UQCC6: variants seen among roughly 807,000 people sequenced by gnomAD.
The protein encoded by UQCC6 is ubiquinol-cytochrome c reductase complex assembly factor 6, also known as protein BRAWNIN.
chr12:103,963,537 T>C, the UQCC6 span, among the ~76,000 whole-genome samples: 10 of 152,250 alleles, frequency 6.6e-5, no homozygotes, highest in Non-Finnish European at 1.3e-4. Flanking sequence ...GTTAGCATTA[T>C]ATTGAATCTT....
the UQCC6 span, chr12:103,954,587 C>T: frequency 4.0e-6 from 1 of 248,058 alleles, no homozygotes; most frequent in Non-Finnish European, 7.8e-6. Flanking sequence ...CCCCATGACC[C>T]AAACACCTCC....
the UQCC6 span, among the ~76,000 whole-genome samples, chr12:103,964,365 G>A: frequency 1.6e-3 from 236 of 152,010 alleles, 1 homozygote; most frequent in African/African-American, 5.5e-3. Context: ...TGATCCACCC[G>A]CCTCGGCCTC....
At chr12:103,958,536 A>C in the UQCC6 span, among the ~76,000 whole-genome samples, 2 of 152,168 alleles carry the variant, frequency 1.3e-5, no homozygotes, top group African/African-American at 4.8e-5. Flanking sequence ...CTGGAATGTT[A>C]CATAAATAGA....
chr12:103,956,233 G>A, the UQCC6 span: 1 of 168,736 alleles, frequency 5.9e-6, no homozygotes, highest in Admixed American at 5.9e-5. Context: ...GGGGGGTGGT[G>A]GGGGGAGGAG....
At chr12:103,964,128 A>G in the UQCC6 span, among the ~76,000 whole-genome samples, 12 of 142,096 alleles carry the variant, frequency 8.4e-5, no homozygotes, top group South Asian at 1.5e-3. Flanking sequence ...CTCCTCCCAT[A>G]AGCTTTTTTT....
the UQCC6 span, chr12:103,950,409 G>A: frequency 9.9e-5 from 15 of 152,202 alleles, no homozygotes; most frequent in African/African-American, 3.1e-4. Flanking sequence ...GAGTTGTGGT[G>A]GGCCCAGCAG....
chr12:103,951,552 G>A, the UQCC6 span: 2 of 1,547,090 alleles, frequency 1.3e-6, no homozygotes, highest in African/African-American at 1.4e-5. Context: ...TGAGAAACTT[G>A]AGGTTTGTGT....
chr12:103,958,030 AT>A, the UQCC6 span, among the ~76,000 whole-genome samples: 175 of 136,190 alleles, frequency 1.3e-3, 3 homozygotes, highest in East Asian at 0.011. Flanking sequence ...ATATTTATAT[AT>A]TTTTAAATAT....
At chr12:103,961,721 TAA>T in the UQCC6 span, among the ~76,000 whole-genome samples, 2 of 151,942 alleles carry the variant, frequency 1.3e-5, 1 homozygote, top group African/African-American at 4.8e-5. Flanking sequence ...TACGCCCAGC[TAA>T]GTTTTCTTTG....
chr12:103,952,094 T>C, the UQCC6 span, among the ~76,000 whole-genome samples: 1 of 152,214 alleles, frequency 6.6e-6, no homozygotes, highest in African/African-American at 2.4e-5. Flanking sequence ...CAGGAAGGTA[T>C]TCACAGAGTT....
At chr12:103,956,981 G>A in the UQCC6 span, 19 of 512,816 alleles carry the variant, frequency 3.7e-5, no homozygotes, top group Admixed American at 3.3e-5. Context: ...TATCAGTGAG[G>A]GGCGCCGGCC....
chr12:103,955,047 G>A, the UQCC6 span: 1 of 675,676 alleles, frequency 1.5e-6, no homozygotes, highest in South Asian at 1.6e-5. Flanking sequence ...AGGCACAGTG[G>A]CTCATGCCTG....
At chr12:103,963,365 T>C in the UQCC6 span, among the ~76,000 whole-genome samples, 1 of 152,306 alleles carries the variant, frequency 6.6e-6, no homozygotes, top group Non-Finnish European at 1.5e-5. Context: ...CATGAGCCAC[T>C]GCGCCCGGCT....
chr12:103,950,381 G>A, the UQCC6 span: 1 of 152,270 alleles, frequency 6.6e-6, no homozygotes, highest in Non-Finnish European at 1.5e-5. Context: ...CAAAGACAGT[G>A]TCCCTAAACC....
the UQCC6 span, among the ~76,000 whole-genome samples, chr12:103,959,434 C>T: frequency 1.3e-5 from 2 of 152,070 alleles, no homozygotes; most frequent in African/African-American, 4.8e-5. Flanking sequence ...ATTGCCAGGC[C>T]GGGTGCAGTG....
chr12:103,955,513 C>T, the UQCC6 span, among the ~76,000 whole-genome samples: 1 of 152,040 alleles, frequency 6.6e-6, no homozygotes, highest in African/African-American at 2.4e-5. Flanking sequence ...GGTACACAGT[C>T]ATCTCAGCTA....
the UQCC6 span, chr12:103,955,892 ATTAAT>A: frequency 2.3e-6 from 1 of 434,578 alleles, no homozygotes; most frequent in African/African-American, 2.0e-5. Context: ...GCTTATTAAA[ATTAAT>A]TTAAATTTCT....
the UQCC6 span, among the ~76,000 whole-genome samples, chr12:103,958,199 G>A: frequency 1.4e-5 from 2 of 147,090 alleles, no homozygotes; most frequent in Admixed American, 6.8e-5. Context: ...CTGGGCAACA[G>A]AGCAAGACTC....
the UQCC6 span, among the ~76,000 whole-genome samples, chr12:103,963,233 C>G: frequency 6.6e-6 from 1 of 152,136 alleles, no homozygotes; most frequent in African/African-American, 2.4e-5. Flanking sequence ...GCCACCACAT[C>G]TGGCTAATTT....
Sources: gnomAD v4.1 joint callset for allele counts (sites outside exome capture counted in the v4.1 genomes callset) on GRCh38, gnomAD v4.1.1 for gene constraint, MANE v1.5 for transcripts, NCBI Gene and HGNC (gene_info 2026-07-23, HGNC 2026-07-21) for gene names.